Variants in UNC13C observed in about 807,000 individuals in gnomAD.
UNC13C encodes unc-13 homolog C, also known as protein unc-13 homolog C.
In UNC13C, 174 loss-of-function variants were observed where a neutral mutation model predicts 245.4. That is an observed-to-expected ratio of 0.71 (90% CI 0.63 to 0.80). The LOEUF (loss-of-function observed/expected upper bound fraction) is 0.80. Among genes scored for constraint, UNC13C ranks in the 30% least tolerant of loss-of-function variants. The probability of loss-of-function intolerance (pLI) is 0.00; values close to 1 mark genes in which losing one functional copy is unlikely to be tolerated. For synonymous variants in UNC13C, 992 were observed against 895.1 expected (o/e 1.11, Z -1.93); for missense variants, 2,829 against 2,602.9 (o/e 1.09, Z -1.89).
chr15:54,349,587 C>A (rs1371352958), intron 17 of UNC13C, among the ~76,000 whole-genome samples: 2 of 152,078 alleles, frequency 1.3e-5, no homozygotes, highest in African/African-American at 4.8e-5. Flanking sequence ...CAAGTAATTT[C>A]ATCTCATGAA....
At chr15:54,258,125 T>C (rs2036326447) in intron 8 of UNC13C, among the ~76,000 whole-genome samples, 1 of 152,020 alleles carries the variant, frequency 6.6e-6, no homozygotes, top group African/African-American at 2.4e-5. Flanking sequence ...TTTCTTTGGG[T>C]CCATCAGTCT....
chr15:54,217,270 G>T (rs2035070103), intron 4 of UNC13C, among the ~76,000 whole-genome samples: 1 of 151,942 alleles, frequency 6.6e-6, no homozygotes, highest in Non-Finnish European at 1.5e-5. Flanking sequence ...CTGGGACTAG[G>T]ATTGTGGATA....
At chr15:53,837,938 T>A in the UNC13C span, among the ~76,000 whole-genome samples, 53 of 152,280 alleles carry the variant, frequency 3.5e-4, no homozygotes, top group African/African-American at 1.2e-3. Context: ...AATGCATTAT[T>A]TTAAATCAAA....
the UNC13C span, among the ~76,000 whole-genome samples, chr15:53,873,750 GCC>G: frequency 3.0e-3 from 1 of 334 alleles, no homozygotes; most frequent in African/African-American, 3.2e-3. Context: ...CAACTATGTT[GCC>G]CAGGCTGGTC....
chr15:54,392,441 A>C (rs576758386), intron 17 of UNC13C, among the ~76,000 whole-genome samples: 1 of 152,172 alleles, frequency 6.6e-6, no homozygotes, highest in African/African-American at 2.4e-5. Context: ...AGACAAACTT[A>C]CAAAATTTTA....
intron 4 of UNC13C, among the ~76,000 whole-genome samples, chr15:54,218,284 T>TCCCCTCATTCC (rs1468654994): frequency 5.3e-5 from 8 of 151,946 alleles, no homozygotes; most frequent in African/African-American, 1.9e-4. Flanking sequence ...CTCCTCTTTC[T>TCCCCTCATTCC]CCCCTCATTC....
intron 10 of UNC13C, among the ~76,000 whole-genome samples, chr15:54,278,725 A>G (rs2036899524): frequency 6.6e-6 from 1 of 152,026 alleles, no homozygotes; most frequent in African/African-American, 2.4e-5. Context: ...ATCCTTCTTC[A>G]TCATGCAGAA....
chr15:54,038,125 T>A (rs1896661041), intron 2 of UNC13C, among the ~76,000 whole-genome samples: 2 of 28,450 alleles, frequency 7.0e-5, no homozygotes, highest in African/African-American at 3.1e-4. Context: ...TATATATATA[T>A]TTTTTTTTTT....
intron 30 of UNC13C, among the ~76,000 whole-genome samples, chr15:54,579,000 C>G (rs145472607): frequency 1.8e-4 from 28 of 152,262 alleles, no homozygotes; most frequent in African/African-American, 6.5e-4. Flanking sequence ...GGAGACAAGA[C>G]AGGAGCAGAC....
chr15:54,576,261 C>A (rs1168940666), intron 30 of UNC13C, among the ~76,000 whole-genome samples: 1 of 152,056 alleles, frequency 6.6e-6, no homozygotes, highest in African/African-American at 2.4e-5. Flanking sequence ...GGGACAATGC[C>A]CCTCCCACTG....
intron 2 of UNC13C, among the ~76,000 whole-genome samples, chr15:54,037,034 A>G (rs1896603529): frequency 6.6e-6 from 1 of 152,234 alleles, no homozygotes; most frequent in Non-Finnish European, 1.5e-5. Context: ...TTTATTTTAT[A>G]TGATTTGGGC....
chr15:54,414,187 T>C (rs1464176736), intron 18 of UNC13C, among the ~76,000 whole-genome samples: 1 of 152,190 alleles, frequency 6.6e-6, no homozygotes, highest in Non-Finnish European at 1.5e-5. Flanking sequence ...TGAGGAATCT[T>C]TGTTCATATA....
chr15:54,015,498 A>C lies in UNC13C; in HGVS notation c.2595A>C (p.Glu865Asp). The change falls in exon 2 of 33, where the codon GAA becomes GAC. Residue 865 changes from glutamate (E) to aspartate (D), a missense_variant. Physicochemically the swap from Glu to Asp is conservative, Grantham distance 45. Transcript: ENST00000260323. ...ATTACTATAAAGCAGAGGATGAGGAAGATTATACTGAACCAGTGGCTGACA... is the reference window on the plus strand; with the variant it reads ...ATTACTATAAAGCAGAGGATGAGGACGATTATACTGAACCAGTGGCTGACA... ...EPYYYKAEDE[E>D]DYTEPVADNE... 1 of 1,612,862 alleles carries C rather than the reference A, an allele frequency of 6.2e-7. No homozygotes were observed. Among genetic ancestry groups the C allele is most frequent in the South Asian group, 1.1e-5 (1 of 91,036 alleles).
the UNC13C span, among the ~76,000 whole-genome samples, chr15:53,971,846 A>G: frequency 2.0e-5 from 3 of 152,194 alleles, no homozygotes; most frequent in Non-Finnish European, 4.4e-5. Flanking sequence ...TGGTGTTGAT[A>G]AAAGGAACAG....
intron 27 of UNC13C, among the ~76,000 whole-genome samples, chr15:54,548,068 C>A (rs1896562757): frequency 6.6e-6 from 1 of 152,134 alleles, no homozygotes; most frequent in Non-Finnish European, 1.5e-5. Context: ...CATGGGTTCC[C>A]TCTCTGGAAA....
intron 19 of UNC13C, among the ~76,000 whole-genome samples, chr15:54,453,977 A>T (rs888283618): frequency 6.6e-6 from 1 of 152,074 alleles, no homozygotes; most frequent in African/African-American, 2.4e-5. Context: ...AGCTCTGTGG[A>T]TTGGCATATT....
At chr15:54,095,444 T>A (rs1379654415) in intron 2 of UNC13C, among the ~76,000 whole-genome samples, 2 of 152,216 alleles carry the variant, frequency 1.3e-5, no homozygotes, top group African/African-American at 4.8e-5. Flanking sequence ...CTGTTCCATG[T>A]CCATGTCACC....
intron 12 of UNC13C, among the ~76,000 whole-genome samples, chr15:54,299,072 G>C (rs1289943351): frequency 6.6e-6 from 1 of 152,022 alleles, no homozygotes; most frequent in Non-Finnish European, 1.5e-5. Context: ...CAAGAGAGAT[G>C]GTTCATTTTT....
At chr15:54,223,562 GTTTTGTTTTTGT>G (rs753733399) in intron 4 of UNC13C, among the ~76,000 whole-genome samples, 17 of 151,422 alleles carry the variant, frequency 1.1e-4, no homozygotes, top group South Asian at 2.1e-4. Flanking sequence ...TTGTTTGTAT[GTTTTGTTTTTGT>G]TTTTGTTTTT....
Sources: gnomAD v4.1 joint callset for allele counts (sites outside exome capture counted in the v4.1 genomes callset) on GRCh38, gnomAD v4.1.1 for gene constraint, MANE v1.5 for transcripts, NCBI Gene and HGNC (gene_info 2026-07-23, HGNC 2026-07-21) for gene names.